Variants in CDK14 observed in about 807,000 individuals in gnomAD.
CDK14 encodes the protein cyclin-dependent kinase 14.
CDK14 carries 34 observed loss-of-function variants against 60.7 expected under a neutral mutation model. The observed-to-expected ratio is 0.56, with a 90% CI of 0.43 to 0.75. The LOEUF (loss-of-function observed/expected upper bound fraction) is 0.75, where lower values mean the gene tolerates loss of function less well. Ranked by LOEUF, CDK14 falls within the 30% of genes least tolerant of loss-of-function variation. CDK14 has a pLI of 0.00. For synonymous variants in CDK14, 197 were observed against 203.7 expected (o/e 0.97, Z 0.28); for missense variants, 482 against 564.1 (o/e 0.85, Z 1.47).
chr7:90,743,885 G>A (rs1332506731), intron 3 of CDK14, among the ~76,000 whole-genome samples: 2 of 151,166 alleles, frequency 1.3e-5, no homozygotes, highest in African/African-American at 4.9e-5. Context: ...CTTCTTAATA[G>A]CATATTGCTA....
intron 8 of CDK14, among the ~76,000 whole-genome samples, chr7:90,944,637 T>C (rs1794044042): frequency 6.6e-6 from 1 of 152,098 alleles, no homozygotes; most frequent in African/African-American, 2.4e-5. Context: ...GAGGCTGAGC[T>C]GAGAGGACCT....
intron 4 of CDK14, among the ~76,000 whole-genome samples, chr7:90,774,403 G>A (rs1229308972): frequency 6.6e-6 from 1 of 152,108 alleles, no homozygotes; most frequent in South Asian, 2.1e-4. Flanking sequence ...TTCATTTTGA[G>A]TGACACCCTT....
At chr7:91,022,374 G>T (rs3779579) in intron 10 of CDK14, among the ~76,000 whole-genome samples, 22,400 of 152,082 alleles carry the variant, frequency 0.15, 1,871 homozygotes, top group Middle Eastern at 0.27. Flanking sequence ...ATATTTAACA[G>T]CAGCCCTGGT....
At chr7:90,633,734 A>G (rs573592105) in intron 2 of CDK14, among the ~76,000 whole-genome samples, 1 of 151,994 alleles carries the variant, frequency 6.6e-6, no homozygotes, top group East Asian at 1.9e-4. Flanking sequence ...AAGACATTTT[A>G]TTTTATAAAT....
intron 6 of CDK14, among the ~76,000 whole-genome samples, chr7:90,876,838 G>A (rs1791579733): frequency 6.6e-6 from 1 of 152,202 alleles, no homozygotes; most frequent in South Asian, 2.1e-4. Flanking sequence ...GTCAATTGTT[G>A]TGAAGTATAT....
chr7:90,673,818 A>G (rs1188203515), intron 2 of CDK14, among the ~76,000 whole-genome samples: 2 of 152,228 alleles, frequency 1.3e-5, no homozygotes, highest in Admixed American at 6.5e-5. Flanking sequence ...TACCATTAAG[A>G]TAATGGAGTA....
intron 2 of CDK14, among the ~76,000 whole-genome samples, chr7:90,652,493 G>T (rs1213277428): frequency 1.3e-5 from 2 of 152,170 alleles, no homozygotes; most frequent in African/African-American, 4.8e-5. Flanking sequence ...TATCAGGTAG[G>T]TGCATTGAGG....
At chr7:91,094,430 A>G (rs1367252609) in intron 12 of CDK14, among the ~76,000 whole-genome samples, 2 of 152,240 alleles carry the variant, frequency 1.3e-5, no homozygotes, top group East Asian at 3.9e-4. Flanking sequence ...AGAAGTGGTA[A>G]TAGTGCAGTA....
chr7:90,940,486 T>C (rs1793887885), intron 8 of CDK14, among the ~76,000 whole-genome samples: 1 of 152,152 alleles, frequency 6.6e-6, no homozygotes, highest in Admixed American at 6.6e-5. Flanking sequence ...AGTCTTTGTA[T>C]GTATAAATAT....
chr7:90,768,337 A>G (rs1456256407), intron 4 of CDK14, among the ~76,000 whole-genome samples: 1 of 152,212 alleles, frequency 6.6e-6, no homozygotes, highest in African/African-American at 2.4e-5. Flanking sequence ...CTACTTTTCA[A>G]AAACTTTTCC....
At chr7:91,205,741 A>G (rs1029840286) in intron 14 of CDK14, among the ~76,000 whole-genome samples, 2 of 152,164 alleles carry the variant, frequency 1.3e-5, no homozygotes, top group African/African-American at 4.8e-5. Context: ...CCAGAAACTC[A>G]CCATAGTAAG....
intron 5 of CDK14, among the ~76,000 whole-genome samples, chr7:90,811,021 CG>C (rs1243409449): frequency 6.6e-6 from 1 of 152,156 alleles, no homozygotes; most frequent in Non-Finnish European, 1.5e-5. Flanking sequence ...GAATCAATAT[CG>C]TGAGAATGGC....
At chr7:90,736,269 C>T (rs1200744723) in intron 3 of CDK14, among the ~76,000 whole-genome samples, 4 of 150,370 alleles carry the variant, frequency 2.7e-5, no homozygotes, top group African/African-American at 9.8e-5. Context: ...TCCTATTTGG[C>T]CATCTTGCCA....
At chr7:90,952,917 T>C (rs1794304354) in intron 8 of CDK14, among the ~76,000 whole-genome samples, 1 of 152,212 alleles carries the variant, frequency 6.6e-6, no homozygotes, top group Non-Finnish European at 1.5e-5. Flanking sequence ...TATAAACATA[T>C]AGCAATATCT....
At chr7:91,045,255 A>G (rs1158004247) in intron 10 of CDK14, among the ~76,000 whole-genome samples, 2 of 152,348 alleles carry the variant, frequency 1.3e-5, no homozygotes, top group East Asian at 3.9e-4. Context: ...GAAATTGCCC[A>G]TTAGTTCCTT....
chr7:91,083,342 C>A (rs1329468965), intron 12 of CDK14, among the ~76,000 whole-genome samples: 1 of 152,110 alleles, frequency 6.6e-6, no homozygotes, highest in Non-Finnish European at 1.5e-5. Context: ...TGCAGCTGTC[C>A]ACTGCCCAGC....
At chr7:90,653,548 C>G (rs996425559) in intron 2 of CDK14, among the ~76,000 whole-genome samples, 25 of 152,070 alleles carry the variant, frequency 1.6e-4, no homozygotes, top group African/African-American at 6.0e-4. Context: ...GAACACTAAC[C>G]CTGATCATGA....
intron 6 of CDK14, among the ~76,000 whole-genome samples, chr7:90,880,083 G>A (rs1373100034): frequency 2.0e-5 from 3 of 152,258 alleles, no homozygotes; most frequent in African/African-American, 7.2e-5. Flanking sequence ...ACTCCCATGG[G>A]GAGATGCGAT....
chr7:91,168,408 T>C (rs1801415599), intron 14 of CDK14, among the ~76,000 whole-genome samples: 1 of 152,214 alleles, frequency 6.6e-6, no homozygotes, highest in Non-Finnish European at 1.5e-5. Flanking sequence ...TTCAGGTATA[T>C]ATTTATTACA....
Sources: gnomAD v4.1 joint callset for allele counts (sites outside exome capture counted in the v4.1 genomes callset) on GRCh38, gnomAD v4.1.1 for gene constraint, MANE v1.5 for transcripts, NCBI Gene and HGNC (gene_info 2026-07-23, HGNC 2026-07-21) for gene names.